DPH5: variants seen among roughly 807,000 people sequenced by gnomAD.
DPH5 encodes diphthine methyl ester synthase.
DPH5 carries 31 observed loss-of-function variants against 31.6 expected under a neutral mutation model. That is an observed-to-expected ratio of 0.98 (90% CI 0.74 to 1.32). The LOEUF is 1.32. DPH5 is among the 40% of genes most tolerant of loss of function. The pLI is 0.00. For synonymous variants in DPH5, 120 were observed against 115.0 expected, an observed-to-expected ratio of 1.04 and a Z score of -0.28; for missense variants, 309 against 335.7, an observed-to-expected ratio of 0.92 and a Z score of 0.62.
intron 2 of DPH5, among the ~76,000 whole-genome samples, 173 bp from the exon 3 acceptor site, chr1:101,021,938 C>T (rs900488122): frequency 6.6e-6 from 1 of 151,880 alleles, no homozygotes; most frequent in Non-Finnish European, 1.5e-5. Flanking sequence ...TAAGCCAGTA[C>T]TTTATGTCAT....
intron 4 of DPH5, among the ~76,000 whole-genome samples, chr1:101,003,454 T>C (rs145747049): frequency 3.0e-4 from 45 of 152,332 alleles, no homozygotes; most frequent in African/African-American, 1.1e-3. Flanking sequence ...TGCTCATGTC[T>C]CATACAGCAG....
chr1:100,991,256 A>C (rs1657672772), intron 7 of DPH5, among the ~76,000 whole-genome samples: 1 of 152,224 alleles, frequency 6.6e-6, no homozygotes, highest in African/African-American at 2.4e-5. Flanking sequence ...CCTTAGCTTT[A>C]GTATTATTCA....
intron 6 of DPH5, among the ~76,000 whole-genome samples, chr1:100,993,464 A>C (rs1420306755): frequency 6.6e-6 from 1 of 150,544 alleles, no homozygotes; most frequent in African/African-American, 2.4e-5. Context: ...AGACAGGAGA[A>C]TCAATTGAAC....
chr1:101,019,008 G>T (rs1660271273), intron 3 of DPH5, among the ~76,000 whole-genome samples: 1 of 152,084 alleles, frequency 6.6e-6, no homozygotes, highest in South Asian at 2.1e-4. Context: ...TGCCACTAAG[G>T]AAAAGGCATA....
intron 4 of DPH5, among the ~76,000 whole-genome samples, chr1:101,010,697 T>A (rs1170962723): frequency 6.6e-6 from 1 of 152,180 alleles, no homozygotes. Flanking sequence ...GAATGCCTTT[T>A]CACAGTGGTT....
Position 100,990,414 on chromosome 1 carries a change from T to C in DPH5, c.852A>G (p.Gly284=). 6.2e-6 allele frequency: 10 copies of C among 1,613,092 alleles called. No individual in the cohort carries two copies. Among genetic ancestry groups the C allele is most frequent in the Non-Finnish European group, 8.5e-6 (10 of 1,179,062 alleles). Residue 284 remains glycine, a synonymous_variant, in exon 8 of 8, where the codon GGA becomes GGG. Transcript: ENST00000370109. Reference sequence around the variant, plus strand: ...CAATGGTAAATATCTATGTTCAAAGTCCATTGATGCTTTGAGATTCTGAGC... The same window carrying C: ...CAATGGTAAATATCTATGTTCAAAGCCCATTGATGCTTTGAGATTCTGAGC... ...ENSSESQSIN[G]L
intron 5 of DPH5, 57 bp from the exon 6 acceptor site, chr1:100,995,206 A>G (rs561586502): frequency 4.8e-6 from 6 of 1,237,248 alleles, no homozygotes; most frequent in Admixed American, 3.6e-5. Context: ...CCAAAACCCT[A>G]TGTGTAAACC....
rs531931054 is a variant in DPH5, at chr1:101,024,040, T to A, written c.135+1269A>T. On this transcript the variant is annotated intron_variant, in intron 2 of 7. Coordinates refer to ENST00000370109, the MANE Select transcript of DPH5 (RefSeq NM_015958.3). ...CACTGATTAGAGACGCACATTTCCA[T>A]CATTTCGAGCTTAGATATTTTGGTT... is the stretch of plus-strand genomic sequence containing the variant. 1.2e-4 allele frequency among the ~76,000 whole-genome samples: 19 copies of A among 152,264 alleles called. No homozygotes were observed. The South Asian group carries it at 3.7e-3, about 30-fold the overall frequency.
At chr1:101,005,470 G>A (rs1007953264) in intron 4 of DPH5, among the ~76,000 whole-genome samples, 16 of 152,114 alleles carry the variant, frequency 1.1e-4, no homozygotes, top group Admixed American at 6.6e-4. Context: ...GCATGCCATT[G>A]ATGTAACATT....
chr1:101,024,983 C>A, intron 2 of DPH5: 1 of 238,924 alleles, frequency 4.2e-6, no homozygotes, highest in South Asian at 6.4e-5. Context: ...TCCTCATTAG[C>A]ACTCAACTCA....
intron 4 of DPH5, among the ~76,000 whole-genome samples, chr1:101,012,877 C>T (rs1295173607): frequency 6.6e-6 from 1 of 152,172 alleles, no homozygotes; most frequent in Non-Finnish European, 1.5e-5. Flanking sequence ...TCCTCTAAAG[C>T]TACAGACATA....
intron 5 of DPH5, chr1:100,995,703 G>T (rs1017110961): frequency 1.3e-5 from 2 of 152,874 alleles, no homozygotes; most frequent in African/African-American, 4.8e-5. Flanking sequence ...GACCTGACCA[G>T]ATATAAACTC....
Position 101,021,598 on chromosome 1 carries a change from A to G in DPH5, c.260+43T>C, listed in dbSNP as rs749785617. On this transcript the variant is annotated intron_variant, in intron 3 of 7. Coordinates refer to ENST00000370109, the MANE Select transcript of DPH5 (RefSeq NM_015958.3). ...TAGAATAATTCTTACTGATTAAAAA[A>G]AAGTAAATGAGTTAAAAACTCAAAA... The G allele has an allele frequency of 1.9e-6, 3 of 1,576,558 alleles. No individual in the cohort carries two copies. The East Asian group carries it at 6.8e-5, about 36-fold the overall frequency.
At chr1:100,991,044 TCA>T (rs1009239041) in intron 7 of DPH5, among the ~76,000 whole-genome samples, 4 of 152,348 alleles carry the variant, frequency 2.6e-5, no homozygotes, top group Admixed American at 2.6e-4. Flanking sequence ...TGAAATAAAT[TCA>T]CAGATTTGAG....
At chr1:101,018,675 C>T (rs1395471681) in intron 3 of DPH5, among the ~76,000 whole-genome samples, 1 of 152,206 alleles carries the variant, frequency 6.6e-6, no homozygotes, top group Non-Finnish European at 1.5e-5. Context: ...ACACTTGGCA[C>T]TATCCTTTTG....
chr1:100,993,865 C>T (rs898168980), intron 6 of DPH5, among the ~76,000 whole-genome samples: 18 of 151,538 alleles, frequency 1.2e-4, no homozygotes, highest in Non-Finnish European at 5.9e-5. Context: ...CTCAGCCTCC[C>T]GAGTAGCTGG....
At chr1:101,015,798 A>G (rs1193192477) in intron 3 of DPH5, among the ~76,000 whole-genome samples, 1 of 152,228 alleles carries the variant, frequency 6.6e-6, no homozygotes, top group African/African-American at 2.4e-5. Context: ...TTTATGTTAT[A>G]GAGACAACTT....
In DPH5 at chr1:100,990,542, T is replaced by C; in HGVS notation, c.724A>G (p.Thr242Ala). 1 of 1,614,198 alleles carries C rather than the reference T, an allele frequency of 6.2e-7. No homozygotes were observed. The highest frequency in any genetic ancestry group is 8.5e-7 in the Non-Finnish European group (1 of 1,180,026). The change falls in exon 8 of 8, where the codon ACT (threonine) becomes GCT (alanine). Residue 242 changes from threonine to alanine, a missense_variant. Coordinates refer to ENST00000370109, the MANE Select transcript of DPH5 (RefSeq NM_015958.3). Reference protein sequence around the residue: ...IAAGTLRQMCTVDLGEPLHSL... With the variant: ...IAAGTLRQMCAVDLGEPLHSL... ...TGCAATGGTTCTCCCAAGTCCACAG[T>C]GCACATTTGCCTTAAAGTGCCTGCT... is the stretch of plus-strand genomic sequence containing the variant.
In DPH5 at chr1:100,990,172, GAGAATGAGAGCC is replaced by G. The variant is rs917417551; in HGVS notation, c.*224_*235del. On this transcript the variant is annotated 3_prime_UTR_variant, in exon 8 of 8. Coordinates refer to ENST00000370109, the MANE Select transcript of DPH5 (RefSeq NM_015958.3). ...CACCTCTTCACAGGGCGGCAAGAGT[GAGAATGAGAGCC>G]AGTAGGGGAAATGCCAGGCACTTAT... 1 of 510,606 alleles carries G rather than the reference GAGAATGAGAGCC, an allele frequency of 2.0e-6. No individual in the cohort carries two copies. The highest frequency in any genetic ancestry group is 3.5e-6 in the Non-Finnish European group (1 of 284,902). 31.6% of individuals were successfully genotyped at this position (510,606 alleles called of 1,614,324 possible).
Sources: gnomAD v4.1 joint callset for allele counts (sites outside exome capture counted in the v4.1 genomes callset) on GRCh38, gnomAD v4.1.1 for gene constraint, MANE v1.5 for transcripts, NCBI Gene and HGNC (gene_info 2026-07-23, HGNC 2026-07-21) for gene names.